Variants in TAFA5 observed in about 807,000 individuals in gnomAD.
TAFA5 encodes TAFA chemokine like family member 5.
In TAFA5, 6 loss-of-function variants were observed where a neutral mutation model predicts 15.3. The ratio of observed to expected loss-of-function variants is 0.39; its 90% CI spans 0.21 to 0.77. The LOEUF is 0.77. TAFA5 is among the 30% of genes least tolerant of loss of function. TAFA5 has a pLI of 0.41. For synonymous variants in TAFA5, 103 were observed against 80.7 expected (o/e 1.28, Z -1.48); for missense variants, 161 against 193.1 (o/e 0.83, Z 0.98).
intron 3 of TAFA5, among the ~76,000 whole-genome samples, chr22:48,711,264 G>A (rs1473935328): frequency 6.6e-6 from 1 of 152,164 alleles, no homozygotes; most frequent in Non-Finnish European, 1.5e-5. Flanking sequence ...CTGCTTTCCT[G>A]GGGGAGAGTG....
chr22:48,602,876 G>A lies in TAFA5; in HGVS notation c.113-43721G>A, dbSNP rs573737187. On this transcript the variant is annotated intron_variant, in intron 1 of 3. Coordinates refer to ENST00000402357, the MANE Select transcript of TAFA5 (RefSeq NM_001082967.3). ...GTTATTGGTGTCACATGGGGCCATTGAGACGTGCGGGGCTGGAGGAGCCTC... is the reference window on the plus strand; with the variant it reads ...GTTATTGGTGTCACATGGGGCCATTAAGACGTGCGGGGCTGGAGGAGCCTC... Among the ~76,000 whole-genome samples the A allele has an allele frequency of 1.4e-3, 211 of 152,320 alleles. 1 individual carries two copies. Among genetic ancestry groups the A allele is most frequent in the African/African-American group, 4.9e-3 (202 of 41,578 alleles).
chr22:48,631,326 T>G (rs1926219164), intron 1 of TAFA5, among the ~76,000 whole-genome samples: 1 of 152,188 alleles, frequency 6.6e-6, no homozygotes, highest in African/African-American at 2.4e-5. Flanking sequence ...CCCAGCCACA[T>G]GCCTTCCATG....
intron 3 of TAFA5, among the ~76,000 whole-genome samples, chr22:48,735,733 A>G (rs1046829872): frequency 6.6e-6 from 1 of 150,586 alleles, no homozygotes; most frequent in East Asian, 1.9e-4. Context: ...CCTAGAGTCC[A>G]CAGAGTCCAT....
chr22:48,738,320 G>A (rs760189950), intron 3 of TAFA5, among the ~76,000 whole-genome samples: 5 of 152,160 alleles, frequency 3.3e-5, no homozygotes, highest in East Asian at 1.9e-4. Flanking sequence ...GTACCACTGC[G>A]TGGATTGTGA....
intron 1 of TAFA5, among the ~76,000 whole-genome samples, chr22:48,536,148 T>C (rs1478016202): frequency 6.6e-6 from 1 of 152,240 alleles, no homozygotes; most frequent in Non-Finnish European, 1.5e-5. Context: ...AGTGTCCATA[T>C]GTAGGTGTGG....
At chr22:48,624,511 TCA>T (rs1349071635) in intron 1 of TAFA5, among the ~76,000 whole-genome samples, 1 of 152,222 alleles carries the variant, frequency 6.6e-6, no homozygotes, top group Non-Finnish European at 1.5e-5. Flanking sequence ...ATCGGTTCAG[TCA>T]CTCTCACTGT....
chr22:48,576,039 A>ACCCCCCCCCCCCCCCCCC lies in TAFA5; in HGVS notation c.113-70544_113-70543insCCCCCCCCCCCCCCCCCC, dbSNP rs535068094. Among the ~76,000 whole-genome samples, 7 of 31,432 alleles carry ACCCCCCCCCCCCCCCCCC rather than the reference A, an allele frequency of 2.2e-4. 1 individual carries two copies. The highest frequency in any genetic ancestry group is 5.9e-4 in the Admixed American group (2 of 3,370). 20.6% of individuals were successfully genotyped at this position (31,432 alleles called of 152,430 possible). A position where few individuals can be genotyped will look rare whatever the true frequency, so the allele number is the denominator to read the frequency against. On this transcript the variant is annotated intron_variant, in intron 1 of 3. Transcript: ENST00000402357. The stretch of plus-strand genomic sequence containing the variant: ...GAGGAGGGGGCCGGGGCCGCGCCGG[A>ACCCCCCCCCCCCCCCCCC]CCCCCCCCCCCCCCGCGCCGCCCGG...
At chr22:48,701,499 A>C (rs132227) in intron 2 of TAFA5, among the ~76,000 whole-genome samples, 119,425 of 151,822 alleles carry the variant, frequency 0.79, 47,368 homozygotes, top group African/African-American at 0.88. Flanking sequence ...TCCTAGGGTA[A>C]ACTTTCCTCC....
chr22:48,747,533 T>C (rs1930362073), intron 3 of TAFA5, among the ~76,000 whole-genome samples: 1 of 152,172 alleles, frequency 6.6e-6, no homozygotes, highest in African/African-American at 2.4e-5. Flanking sequence ...GGTGGCACCA[T>C]GGTCTTCACG....
chr22:48,708,997 G>T (rs1386174331), intron 3 of TAFA5, among the ~76,000 whole-genome samples: 2 of 152,206 alleles, frequency 1.3e-5, no homozygotes, highest in African/African-American at 2.4e-5. Context: ...GGCTCTCAGG[G>T]TCGTCTTCTG....
intron 1 of TAFA5, among the ~76,000 whole-genome samples, chr22:48,596,729 G>A (rs1239332046): frequency 5.0e-5 from 6 of 120,914 alleles, no homozygotes; most frequent in African/African-American, 1.9e-4. Flanking sequence ...GTATCGTGAC[G>A]TGCGTCCACC....
chr22:48,734,341 C>G (rs1282952867), intron 3 of TAFA5, among the ~76,000 whole-genome samples: 1 of 152,214 alleles, frequency 6.6e-6, no homozygotes. Flanking sequence ...AAAAGTTAAT[C>G]TTTACATTTA....
chr22:48,687,993 C>G (rs756417483), intron 2 of TAFA5, among the ~76,000 whole-genome samples: 3 of 133,906 alleles, frequency 2.2e-5, no homozygotes, highest in African/African-American at 8.3e-5. Context: ...GCCTGAGGAA[C>G]ATGATTAGAG....
intron 2 of TAFA5, among the ~76,000 whole-genome samples, chr22:48,674,506 C>T (rs1362584788): frequency 4.6e-5 from 7 of 152,206 alleles, no homozygotes; most frequent in South Asian, 4.1e-4. Context: ...GTTTGCACAA[C>T]GGTGATCTCG....
At chr22:48,534,981 G>A (rs1922104107) in intron 1 of TAFA5, among the ~76,000 whole-genome samples, 1 of 152,012 alleles carries the variant, frequency 6.6e-6, no homozygotes, top group Non-Finnish European at 1.5e-5. Context: ...AGTTCTACTG[G>A]CCACTCGTGG....
intron 2 of TAFA5, among the ~76,000 whole-genome samples, chr22:48,700,181 C>T (rs565104641): frequency 2.6e-5 from 4 of 152,176 alleles, no homozygotes; most frequent in Admixed American, 6.5e-5. Context: ...CTTCTTTCAT[C>T]GAATCAGTCA....
At chr22:48,657,202 A>C (rs1266511015) in intron 2 of TAFA5, among the ~76,000 whole-genome samples, 1 of 152,218 alleles carries the variant, frequency 6.6e-6, no homozygotes, top group African/African-American at 2.4e-5. Flanking sequence ...AAAAGGGGAC[A>C]TTAGTACCCA....
chr22:48,578,273 G>T (rs560180044), intron 1 of TAFA5, among the ~76,000 whole-genome samples: 1 of 152,204 alleles, frequency 6.6e-6, no homozygotes, highest in Non-Finnish European at 1.5e-5. Context: ...AGTTAGTAAC[G>T]GGAGAAGCTC....
At chr22:48,639,796 G>A (rs1304242138) in intron 1 of TAFA5, among the ~76,000 whole-genome samples, 2 of 151,936 alleles carry the variant, frequency 1.3e-5, no homozygotes, top group South Asian at 2.1e-4. Context: ...CCTCTACTCA[G>A]TCCACAGCAT....
Sources: gnomAD v4.1 joint callset for allele counts (sites outside exome capture counted in the v4.1 genomes callset) on GRCh38, gnomAD v4.1.1 for gene constraint, MANE v1.5 for transcripts, NCBI Gene and HGNC (gene_info 2026-07-23, HGNC 2026-07-21) for gene names.